Variants in SRCAP observed in about 807,000 individuals in gnomAD.
The protein encoded by SRCAP is Snf2 related CREBBP activator protein, also known as chromatin remodeling protein SRCAP.
A neutral mutation model predicts 263.1 loss-of-function variants in SRCAP; 46 were observed. The observed-to-expected ratio is 0.17, with a 90% confidence interval of 0.14 to 0.22. The LOEUF is 0.22. Among genes scored for constraint, SRCAP ranks in the 10% least tolerant of loss-of-function variants. SRCAP has a pLI of 1.00. For synonymous variants in SRCAP, 1,813 were observed against 1,662.1 expected (o/e 1.09, Z -2.21); for missense variants, 3,695 against 4,181.9 (o/e 0.88, Z 3.21).
chr16:30,720,995 C>G lies in SRCAP; in HGVS notation c.3253+17C>G. On this transcript the variant is annotated intron_variant, in intron 20 of 33. Coordinates refer to ENST00000262518, the MANE Select transcript of SRCAP (RefSeq NM_006662.3). ...TCCCCCAGGGTGAGTTGAAAGGGAGCCAAGGATGATGCGTGGTGCTTCAGA... is the reference window on the plus strand; with the variant it reads ...TCCCCCAGGGTGAGTTGAAAGGGAGGCAAGGATGATGCGTGGTGCTTCAGA... 6.3e-7 allele frequency: 1 copy of G among 1,585,374 alleles called. No homozygotes were observed.
chr16:30,709,146 C>T (rs2052859694), intron 6 of SRCAP, among the ~76,000 whole-genome samples: 1 of 152,066 alleles, frequency 6.6e-6, no homozygotes, highest in South Asian at 2.1e-4. Flanking sequence ...AGACCCAGTT[C>T]CAGCTGGGTG....
At chr16:30,731,406 C>A (rs369482490) in intron 27 of SRCAP, among the ~76,000 whole-genome samples, 2 of 152,098 alleles carry the variant, frequency 1.3e-5, no homozygotes, top group Non-Finnish European at 2.9e-5. Context: ...TTCCACAGCC[C>A]TGCACAGACA....
At chr16:30,726,434 C>T (rs1596658463) in intron 25 of SRCAP, among the ~76,000 whole-genome samples, 1 of 152,106 alleles carries the variant, frequency 6.6e-6, no homozygotes, top group African/African-American at 2.4e-5. Flanking sequence ...GTTTAAGGAA[C>T]TGCCAGACTT....
chr16:30,704,123 A>G lies in SRCAP; in HGVS notation c.114A>G (p.Pro38=), dbSNP rs1054131466. The part of the protein sequence containing the change: ...NPVSPASSSS[P]ASSGAGGISP... Reference sequence around the variant, plus strand: ...TGTCCCCTGCCTCATCCAGTTCCCCAGCCTCTAGTGGGGCAGGCGGCATCT... The same window carrying G: ...TGTCCCCTGCCTCATCCAGTTCCCCGGCCTCTAGTGGGGCAGGCGGCATCT... The change falls in exon 4 of 34, where the codon CCA becomes CCG. Residue 38 remains proline (P), a synonymous_variant. Coordinates refer to ENST00000262518, the MANE Select transcript of SRCAP (RefSeq NM_006662.3). 3.7e-6 allele frequency: 6 copies of G among 1,614,140 alleles called. No individual in the cohort carries two copies. In the Admixed American group the frequency reaches 1.0e-4, roughly 27 times the overall value.
At chr16:30,704,425 T>C in intron 4 of SRCAP, 110 bp downstream of exon 4, 1 of 1,373,044 alleles carries the variant, frequency 7.3e-7, no homozygotes. Context: ...ATTTAGGGTA[T>C]AGGTTCTGCC....
Position 30,738,196 on chromosome 16 carries a change from C to T in SRCAP, c.8156C>T (p.Pro2719Leu), listed in dbSNP as rs905899806. Residue 2719 changes from proline (P) to leucine (L), a missense_variant, in exon 34 of 34, where the codon CCT becomes CTT. Coordinates refer to ENST00000262518, the MANE Select transcript of SRCAP (RefSeq NM_006662.3). Reference protein sequence around the residue: ...SSPEGPSPARPPRRRTSADVE... With the variant: ...SSPEGPSPARLPRRRTSADVE... ...CCTGAGGGTCCTTCACCTGCCCGAC[C>T]TCCTCGGCGTCGCACCAGTGCTGAT... 2 of 1,614,196 alleles carry T rather than the reference C, an allele frequency of 1.2e-6. No homozygotes were observed. The highest frequency in any genetic ancestry group is 2.2e-5 in the East Asian group (1 of 44,872).
At chr16:30,710,406 C>T (rs2052875177) in intron 8 of SRCAP, 1 of 639,608 alleles carries the variant, frequency 1.6e-6, no homozygotes, top group Non-Finnish European at 2.8e-6. Flanking sequence ...TTACTTGCCA[C>T]TTCTCTGAAC....
rs1244830441 is a variant in SRCAP at position 30,710,126 on chromosome 16, G to A, written c.1132G>A (p.Glu378Lys). 1 of 1,613,092 alleles carries A rather than the reference G, an allele frequency of 6.2e-7. No individual in the cohort carries two copies. The highest frequency in any genetic ancestry group is 2.2e-5 in the East Asian group (1 of 44,872). Residue 378 changes from glutamate to lysine, a missense_variant and splice_region_variant, in exon 8 of 34, where the codon GAG (glutamate) becomes AAG (lysine). Physicochemically the swap from Glu to Lys is moderately conservative, Grantham distance 56. This residue lies in a region of SRCAP where 288 missense variants were observed against 302.4 expected (regional missense o/e 0.95). Transcript: ENST00000262518. ...TGAAGAAGAGCCCCCTCAGGTGTTG[G>A]AGGTATAGGCAGAAGGAGCAGAGGG... ...GAEEEPPQVL[E>K]IKPPPSAVTQ...
In SRCAP at chr16:30,723,708, C is replaced by T. The variant is rs1480147359; in HGVS notation, c.4284C>T (p.Ser1428=). 2 of 1,613,956 alleles carry T rather than the reference C, an allele frequency of 1.2e-6. No individual in the cohort carries two copies. Among genetic ancestry groups the T allele is most frequent in the Non-Finnish European group, 8.5e-7 (1 of 1,179,996 alleles). Residue 1428 remains serine (S), a synonymous_variant, in exon 25 of 34, where the codon TCC becomes TCT. Transcript: ENST00000262518. ...CCTCTCCCCTTGCTAGTCCTGTGTC[C>T]TCTACAGTCTCAGTTCCATTGTCAT... ...PNSSPLASPV[S]STVSVPLSSS...
In SRCAP at chr16:30,738,542, G is replaced by A. The variant is rs1428351243; in HGVS notation, c.8502G>A (p.Gly2834=). The change falls in exon 34 of 34, where the codon GGG becomes GGA. Residue 2834 remains glycine, a synonymous_variant. Coordinates refer to ENST00000262518, the MANE Select transcript of SRCAP (RefSeq NM_006662.3). ...TTGCTCGCCGTCACATTGAGCTGGG[G>A]GTGACTGGTGGTGGCAGCCCCGAGA... ...PFIARRHIEL[G]VTGGGSPENG... The A allele has an allele frequency of 6.2e-7, 1 of 1,611,806 alleles. No individual in the cohort carries two copies.
rs1004776934 is a variant in SRCAP at position 30,705,720 on chromosome 16, T to C, written c.306+1405T>C. Among the ~76,000 whole-genome samples, 9 of 151,206 alleles carry C rather than the reference T, an allele frequency of 6.0e-5. No homozygotes were observed. In the South Asian group the frequency reaches 8.4e-4, roughly 14 times the overall value. On this transcript the variant is annotated intron_variant, in intron 4 of 33. Coordinates refer to ENST00000262518, the MANE Select transcript of SRCAP (RefSeq NM_006662.3). The stretch of plus-strand genomic sequence containing the variant: ...GGCCACAATTGGGTTTTTTTTTTTT[T>C]CCTTGAGACGGAGTCTCAGTCTTTC...
At chr16:30,722,046 G>A (rs1167287748) in intron 21 of SRCAP, 76 bp from the exon 22 acceptor site, 4 of 1,532,470 alleles carry the variant, frequency 2.6e-6, no homozygotes, top group Non-Finnish European at 3.5e-6. Flanking sequence ...CGGGGGAGAG[G>A]TGTGCTTCAT....
At position 30,720,156 on chromosome 16, in the gene SRCAP, T is replaced by C. The variant is rs1018476064; in HGVS notation, c.2818-6T>C. On this transcript the variant is annotated splice_polypyrimidine_tract_variant and splice_region_variant and intron_variant, in intron 18 of 33. Transcript: ENST00000262518. ...CTTTATGACTGTGCTTTCTTTCTTG[T>C]GGCAGCGGATAGACATGGGTCGATT... The C allele has an allele frequency of 5.0e-6, 8 of 1,599,448 alleles. No individual in the cohort carries two copies. Among genetic ancestry groups the C allele is most frequent in the South Asian group, 4.4e-5 (4 of 90,554 alleles).
intron 24 of SRCAP, 43 bp downstream of exon 24, chr16:30,723,272 G>A (rs766936832): frequency 8.3e-6 from 13 of 1,558,400 alleles, no homozygotes; most frequent in African/African-American, 1.4e-5. Flanking sequence ...GCCAGGAATG[G>A]AGACGAGATG....
Position 30,700,738 on chromosome 16 carries a change from C to T in SRCAP, c.-87C>T, listed in dbSNP as rs965377423. The T allele has an allele frequency of 5.2e-6, 7 of 1,339,564 alleles. No homozygotes were observed. The African/African-American group carries it at 8.7e-5, about 17-fold the overall frequency. 83.0% of individuals were successfully genotyped at this position (1,339,564 alleles called of 1,614,324 possible). On this transcript the variant is annotated 5_prime_UTR_variant, in exon 3 of 34. Coordinates refer to ENST00000262518, the MANE Select transcript of SRCAP (RefSeq NM_006662.3). ...GGCCAGCTCCCAGCATGCCCTGCAGCCGGACGCCAGCCCCTCGGCCAGCAG... is the reference window on the plus strand; with the variant it reads ...GGCCAGCTCCCAGCATGCCCTGCAGTCGGACGCCAGCCCCTCGGCCAGCAG...
In SRCAP at chr16:30,722,988, A is replaced by C; in HGVS notation, c.3918A>C (p.Thr1306=). ...TGCCACCAACCATGGTGAATAATAC[A>C]GGCGTGGTGAAGATTGTAGTGAGAC... ...NQVPPTMVNN[T]GVVKIVVRQA... is the part of the protein sequence containing the mutation. Residue 1306 remains threonine, a synonymous_variant, in exon 24 of 34, where the codon ACA becomes ACC. Transcript: ENST00000262518. 1 of 1,613,076 alleles carries C rather than the reference A, an allele frequency of 6.2e-7. No individual in the cohort carries two copies. Among genetic ancestry groups the C allele is most frequent in the Non-Finnish European group, 8.5e-7 (1 of 1,179,380 alleles).
chr16:30,705,271 G>T lies in SRCAP; in HGVS notation c.306+956G>T, dbSNP rs528702235. Among the ~76,000 whole-genome samples the T allele has an allele frequency of 1.4e-3, 211 of 152,266 alleles. 1 individual carries two copies. Among genetic ancestry groups the T allele is most frequent in the Non-Finnish European group, 2.7e-3 (181 of 68,030 alleles). Reference sequence around the variant, plus strand: ...CCTGAGATGATGCCACTGCACACCAGCCTGGGTAACAGTGAGACTCTGTCT... The same window carrying T: ...CCTGAGATGATGCCACTGCACACCATCCTGGGTAACAGTGAGACTCTGTCT... On this transcript the variant is annotated intron_variant, in intron 4 of 33. Transcript: ENST00000262518.
In SRCAP at chr16:30,704,101, C is replaced by T; in HGVS notation, c.92C>T (p.Ser31Phe). 6.2e-7 allele frequency: 1 copy of T among 1,614,068 alleles called. No homozygotes were observed. Among genetic ancestry groups the T allele is most frequent in the Non-Finnish European group, 8.5e-7 (1 of 1,179,980 alleles). The part of the protein sequence containing the change: ...SDGMTGSNPV[S>F]PASSSSPASS... ...GGCATGACAGGCAGCAATCCTGTGT[C>T]CCCTGCCTCATCCAGTTCCCCAGCC... Residue 31 changes from serine (S) to phenylalanine (F), a missense_variant, in exon 4 of 34, where the codon TCC (serine) becomes TTC (phenylalanine). Physicochemically the swap from Ser to Phe is radical, Grantham distance 155 (BLOSUM62 -2). Transcript: ENST00000262518.
Position 30,738,319 on chromosome 16 carries a change from A to G in SRCAP, c.8279A>G (p.Glu2760Gly). 6.3e-7 allele frequency: 1 copy of G among 1,590,362 alleles called. No homozygotes were observed. Residue 2760 changes from glutamate (E) to glycine (G), a missense_variant, in exon 34 of 34, where the codon GAA becomes GGA. This residue lies in a region of SRCAP where 1,207 missense variants were observed against 1,142.9 expected (regional missense o/e 1.06). Transcript: ENST00000262518. The stretch of plus-strand genomic sequence containing the variant: ...GGACGGCTGGTAACTGTGGTAGAGG[A>G]AAAGGAACTGGTGCGGCGGCGGCGG... Reference protein sequence around the residue: ...LPGRLVTVVEEKELVRRRRQQ... With the variant: ...LPGRLVTVVEGKELVRRRRQQ...
Sources: allele counts gnomAD v4.1 joint callset (sites outside exome capture counted in the v4.1 genomes callset), GRCh38; gene constraint gnomAD v4.1.1; regional missense constraint gnomAD v4.1.1; transcripts MANE v1.5; gene names NCBI Gene and HGNC (gene_info 2026-07-23, HGNC 2026-07-21).